PGAP1: variants seen among roughly 807,000 people sequenced by gnomAD.
PGAP1 encodes post-GPI attachment to proteins inositol deacylase 1.
In PGAP1, 76 loss-of-function variants were observed where a neutral mutation model predicts 127.0. The ratio of observed to expected loss-of-function variants is 0.60; its 90% CI spans 0.50 to 0.72. PGAP1 has a LOEUF of 0.72. Ranked by LOEUF, PGAP1 falls within the 30% of genes least tolerant of loss-of-function variation. PGAP1 has a pLI of 0.00. For synonymous variants in PGAP1, 362 were observed against 366.5 expected (o/e 0.99, Z 0.14); for missense variants, 982 against 1,071.3 (o/e 0.92, Z 1.16).
intron 20 of PGAP1, among the ~76,000 whole-genome samples, chr2:196,855,346 AT>A (rs1184209202): frequency 2.0e-5 from 3 of 150,550 alleles, no homozygotes; most frequent in South Asian, 2.1e-4. Flanking sequence ...AAAAAAAAAA[AT>A]GATCCTCATA....
At chr2:196,884,091 T>C (rs908450904) in intron 12 of PGAP1, among the ~76,000 whole-genome samples, 2 of 152,184 alleles carry the variant, frequency 1.3e-5, no homozygotes, top group Non-Finnish European at 2.9e-5. Flanking sequence ...AATTTTATGA[T>C]TTAAGAAATA....
intron 20 of PGAP1, among the ~76,000 whole-genome samples, chr2:196,859,716 CA>C (rs1700999825): frequency 6.6e-6 from 1 of 151,988 alleles, no homozygotes; most frequent in African/African-American, 2.4e-5. Context: ...TCAATATATA[CA>C]AATCAATCAA....
chr2:196,845,074 T>C (rs1700520016), intron 23 of PGAP1, among the ~76,000 whole-genome samples: 1 of 151,998 alleles, frequency 6.6e-6, no homozygotes, highest in South Asian at 2.1e-4. Context: ...TTTATTAGGG[T>C]TACTTAAGTA....
At chr2:196,842,388 G>A (rs960941507) in intron 26 of PGAP1, among the ~76,000 whole-genome samples, 1 of 152,114 alleles carries the variant, frequency 6.6e-6, no homozygotes, top group Admixed American at 6.5e-5. Context: ...GAACCCTCAT[G>A]TAAGCATTAC....
chr2:196,848,241 A>C (rs1217444237), intron 20 of PGAP1, among the ~76,000 whole-genome samples: 3 of 152,092 alleles, frequency 2.0e-5, no homozygotes, highest in Non-Finnish European at 4.4e-5. Context: ...TCACTTGTAA[A>C]AACAAATTCA....
rs576012554 is a variant in PGAP1, at chr2:196,877,975, A to G, written c.1350+2101T>C. ...TATAAAGTATCATGAGAATAAGTAA[A>G]AGATTACTGGGGGACTCTGGAAAAG... On this transcript the variant is annotated intron_variant, in intron 13 of 26. Coordinates refer to ENST00000354764, the MANE Select transcript of PGAP1 (RefSeq NM_024989.4). Among the ~76,000 whole-genome samples the G allele has an allele frequency of 2.6e-5, 4 of 152,244 alleles. No individual in the cohort carries two copies. The South Asian group carries it at 6.2e-4, about 24-fold the overall frequency.
chr2:196,871,038 T>C, intron 18 of PGAP1, 59 bp from the exon 19 acceptor site: 2 of 1,264,492 alleles, frequency 1.6e-6, no homozygotes, highest in South Asian at 2.4e-5. Flanking sequence ...CTTTACATTT[T>C]ATTAAATTGA....
At chr2:196,855,191 T>C (rs1264505142) in intron 20 of PGAP1, among the ~76,000 whole-genome samples, 1 of 151,764 alleles carries the variant, frequency 6.6e-6, no homozygotes, top group East Asian at 1.9e-4. Flanking sequence ...CTGGGTGTAG[T>C]GGTGGGCACC....
At position 196,920,058 on chromosome 2, in the gene PGAP1, A is replaced by G; in HGVS notation, c.240T>C (p.Ile80=). The G allele has an allele frequency of 6.2e-7, 1 of 1,613,468 alleles. No individual in the cohort carries two copies. Among genetic ancestry groups the G allele is most frequent in the Non-Finnish European group, 8.5e-7 (1 of 1,179,592 alleles). ...GEGSYAEEHK[I]LPLTGIPVLF... is the part of the protein sequence containing the mutation. ...GAACTGGAATACCCGTCAAAGGGAG[A>G]ATTTTGTGTTCTTCAGCATAGGATC... is the stretch of plus-strand genomic sequence containing the variant. The change falls in exon 2 of 27, where the codon ATT becomes ATC. Residue 80 remains isoleucine (I), a synonymous_variant. Coordinates refer to ENST00000354764, the MANE Select transcript of PGAP1 (RefSeq NM_024989.4).
chr2:196,853,807 T>C (rs1485355877), intron 20 of PGAP1, among the ~76,000 whole-genome samples: 2 of 152,172 alleles, frequency 1.3e-5, no homozygotes, highest in African/African-American at 4.8e-5. Context: ...TGAAGTCTTT[T>C]ACTACTTTAA....
chr2:196,912,928 G>A lies in PGAP1; in HGVS notation c.603C>T (p.Ala201=). ...GCATCACAGGAGCAACATGAGGTGT[G>A]GCTTGTGTAATAAGAAGATTTATCA... ...HDLINLLITQ[A]TPHVAPVMPL... is the part of the protein sequence containing the mutation. Residue 201 remains alanine, a synonymous_variant, in exon 4 of 27, where the codon GCC becomes GCT. Transcript: ENST00000354764. The A allele has an allele frequency of 1.2e-6, 2 of 1,613,646 alleles. No homozygotes were observed. Among genetic ancestry groups the A allele is most frequent in the Non-Finnish European group, 1.7e-6 (2 of 1,179,858 alleles).
chr2:196,873,508 T>A lies in PGAP1; in HGVS notation c.1552+20A>T. ...AATGACAATATTATTTTCTATACAT[T>A]TTTTAGAAAACATATTTACCTTTGA... On this transcript the variant is annotated intron_variant, in intron 16 of 26. Coordinates refer to ENST00000354764, the MANE Select transcript of PGAP1 (RefSeq NM_024989.4). 6.3e-7 allele frequency: 1 copy of A among 1,582,172 alleles called. No individual in the cohort carries two copies. The highest frequency in any genetic ancestry group is 8.6e-7 in the Non-Finnish European group (1 of 1,158,366).
At chr2:196,922,246 T>C (rs1177483503) in intron 1 of PGAP1, 3 of 1,234,370 alleles carry the variant, frequency 2.4e-6, no homozygotes, top group East Asian at 1.2e-4. Flanking sequence ...AAAATGCTGA[T>C]TTAAGAAACT....
intron 19 of PGAP1, among the ~76,000 whole-genome samples, 170 bp from the exon 20 acceptor site, chr2:196,865,250 C>A (rs1343113141): frequency 6.6e-6 from 1 of 152,070 alleles, no homozygotes; most frequent in Non-Finnish European, 1.5e-5. Context: ...AAATACATAG[C>A]AAACTCAAAA....
intron 2 of PGAP1, among the ~76,000 whole-genome samples, chr2:196,917,253 G>A (rs573235595): frequency 6.6e-6 from 1 of 152,040 alleles, no homozygotes; most frequent in South Asian, 2.1e-4. Context: ...ATATTAGGTG[G>A]CACAAAAATT....
At chr2:196,888,198 C>T (rs1214701949) in intron 10 of PGAP1, among the ~76,000 whole-genome samples, 1 of 152,114 alleles carries the variant, frequency 6.6e-6, no homozygotes, top group Admixed American at 6.5e-5. Flanking sequence ...TGACTAACTC[C>T]TAAAGTATAC....
intron 4 of PGAP1, among the ~76,000 whole-genome samples, chr2:196,906,877 G>T (rs1702737419): frequency 9.4e-6 from 1 of 106,508 alleles, no homozygotes; most frequent in South Asian, 4.1e-4. Flanking sequence ...TGAATGAAAT[G>T]AAGCGAGAAG....
intron 5 of PGAP1, among the ~76,000 whole-genome samples, chr2:196,899,472 A>T (rs79024068): frequency 0.02 from 2,999 of 152,330 alleles, 101 homozygotes; most frequent in African/African-American, 0.068. Flanking sequence ...AGACAACCAG[A>T]GTTCACTGTC....
At position 196,846,080 on chromosome 2, in the gene PGAP1, G is replaced by A. The variant is rs185594607; in HGVS notation, c.2151-63C>T. On this transcript the variant is annotated intron_variant, in intron 22 of 26. Coordinates refer to ENST00000354764, the MANE Select transcript of PGAP1 (RefSeq NM_024989.4). ...CAAATATTTATATAGTCACATATAA[G>A]AAGAAAACAATATAGTACCCTCCCA... 175 of 1,051,472 alleles carry A rather than the reference G, an allele frequency of 1.7e-4. 2 individuals carry two copies. The East Asian group carries it at 4.1e-3, about 25-fold the overall frequency. The allele number at this position is 1,051,472 out of a possible 1,614,324, so 65.1% of individuals were successfully genotyped here. A position where few individuals can be genotyped will look rare whatever the true frequency, so the allele number is the denominator to read the frequency against.
Sources: allele counts gnomAD v4.1 joint callset (sites outside exome capture counted in the v4.1 genomes callset), GRCh38; gene constraint gnomAD v4.1.1; transcripts MANE v1.5; gene names NCBI Gene and HGNC (gene_info 2026-07-23, HGNC 2026-07-21).